Variants in FBXO42 observed in about 807,000 individuals in gnomAD.
FBXO42 encodes the protein F-box protein 42, also known as F-box only protein 42.
Under a neutral mutation model 71.7 loss-of-function variants are expected in FBXO42, and 12 were observed. The observed-to-expected ratio is 0.17, with a 90% CI of 0.11 to 0.27. The LOEUF (loss-of-function observed/expected upper bound fraction) is 0.27, where lower values mean the gene tolerates loss of function less well. Ranked by LOEUF, FBXO42 falls within the 10% of genes least tolerant of loss-of-function variation. The pLI, the probability that FBXO42 is intolerant of heterozygous loss-of-function variation, is 1.00. For missense variants in FBXO42, 707 were observed against 911.9 expected (o/e 0.78, Z 2.89); for synonymous variants, 325 against 327.5 (o/e 0.99, Z 0.08).
At chr1:16,324,614 T>C (rs1011992869) in intron 1 of FBXO42, among the ~76,000 whole-genome samples, 22 of 152,130 alleles carry the variant, frequency 1.4e-4, no homozygotes, top group African/African-American at 5.3e-4. Context: ...GTCCAGGAAT[T>C]TGAGACCAGC....
At chr1:16,288,934 G>T (rs1006989957) in intron 4 of FBXO42, among the ~76,000 whole-genome samples, 1 of 151,408 alleles carries the variant, frequency 6.6e-6, no homozygotes, top group Non-Finnish European at 1.5e-5. Context: ...CTCCAGCCTG[G>T]GTGATAGAGT....
chr1:16,276,475 T>C (rs1168820509), intron 4 of FBXO42, among the ~76,000 whole-genome samples: 3 of 151,794 alleles, frequency 2.0e-5, no homozygotes, highest in South Asian at 2.1e-4. Flanking sequence ...CAGCCAAACA[T>C]TGAGCACGAG....
chr1:16,326,090 T>A (rs891899966), intron 1 of FBXO42, among the ~76,000 whole-genome samples: 1 of 135,854 alleles, frequency 7.4e-6, no homozygotes, highest in African/African-American at 2.5e-5. Context: ...AATTTCGCTC[T>A]TGTTGCCCAG....
At chr1:16,309,026 A>G (rs1170929130) in intron 2 of FBXO42, among the ~76,000 whole-genome samples, 1 of 128,740 alleles carries the variant, frequency 7.8e-6, no homozygotes, top group Admixed American at 8.5e-5. Context: ...TACAGGCGTG[A>G]GCCACCATGC....
At chr1:16,279,141 T>C (rs529953187) in intron 4 of FBXO42, among the ~76,000 whole-genome samples, 1 of 152,342 alleles carries the variant, frequency 6.6e-6, no homozygotes, top group African/African-American at 2.4e-5. Flanking sequence ...AAGGATATCC[T>C]GTGGTCTTCC....
chr1:16,291,017 C>T (rs1157850464), intron 4 of FBXO42, among the ~76,000 whole-genome samples: 1 of 152,168 alleles, frequency 6.6e-6, no homozygotes, highest in African/African-American at 2.4e-5. Flanking sequence ...ACTCTCCACT[C>T]CCAACCAAAA....
rs766746982 is a variant in FBXO42 at position 16,248,675 on chromosome 1, T to G, written c.*1995A>C. ...GCTAGCCTTCTGGCCCAGCTTTCCC[T>G]TGTAAATAAGGACCCCACATGATCG... On this transcript the variant is annotated 3_prime_UTR_variant, in exon 10 of 10. Transcript: ENST00000375592. 2 of 152,264 alleles carry G rather than the reference T, an allele frequency of 1.3e-5. No homozygotes were observed. Among genetic ancestry groups the G allele is most frequent in the African/African-American group, 2.4e-5 (1 of 41,476 alleles). 9.4% of individuals were successfully genotyped at this position (152,264 alleles called of 1,614,324 possible).
chr1:16,316,756 A>G (rs2082370902), intron 1 of FBXO42, among the ~76,000 whole-genome samples: 3 of 145,546 alleles, frequency 2.1e-5, no homozygotes, highest in South Asian at 2.1e-4. Context: ...AAAAAAAAAG[A>G]TAGTAAATGT....
chr1:16,282,008 CT>C (rs2081969002), intron 4 of FBXO42, among the ~76,000 whole-genome samples: 1 of 151,386 alleles, frequency 6.6e-6, no homozygotes, highest in Non-Finnish European at 1.5e-5. Flanking sequence ...CCAAAGGTAG[CT>C]ATTTCTACAA....
chr1:16,263,936 G>A (rs952003702), intron 4 of FBXO42, among the ~76,000 whole-genome samples: 7 of 149,928 alleles, frequency 4.7e-5, no homozygotes, highest in Non-Finnish European at 5.9e-5. Flanking sequence ...TCAGCCTCCC[G>A]AGTAGCTGGG....
chr1:16,255,724 C>G lies in FBXO42; in HGVS notation c.754G>C (p.Gly252Arg). Residue 252 changes from glycine to arginine, a missense_variant, in exon 6 of 10, where the codon GGA becomes CGA. This residue lies in a region of FBXO42 where 482 missense variants were observed against 587.1 expected (regional missense o/e 0.82). Coordinates refer to ENST00000375592, the MANE Select transcript of FBXO42 (RefSeq NM_018994.3). Reference sequence around the variant, plus strand: ...AAATGTACTTACATTTGCCGGGATCCTAAAGAGCCACCAAAGACAATCATT... The same window carrying G: ...AAATGTACTTACATTTGCCGGGATCGTAAAGAGCCACCAAAGACAATCATT... ...DKMIVFGGSLGSRQMSNDVWV... is the reference protein window; with the variant it reads ...DKMIVFGGSLRSRQMSNDVWV... 1 of 1,613,904 alleles carries G rather than the reference C, an allele frequency of 6.2e-7. No homozygotes were observed. Among genetic ancestry groups the G allele is most frequent in the Non-Finnish European group, 8.5e-7 (1 of 1,179,906 alleles).
Position 16,349,555 on chromosome 1 carries a change from T to C in FBXO42, c.-18+2700A>G, listed in dbSNP as rs34899543. Among the ~76,000 whole-genome samples the C allele has an allele frequency of 7.6e-3, 1,165 of 152,356 alleles. 10 individuals carry two copies. The highest frequency in any genetic ancestry group is 0.013 in the Non-Finnish European group (878 of 68,028). On this transcript the variant is annotated intron_variant, in intron 1 of 9. Transcript: ENST00000375592. The stretch of plus-strand genomic sequence containing the variant: ...GGGCTTTATTTAATCAAATGGCTTC[T>C]GGTTTTATAAAGAGTTAATTCAGGG...
intron 1 of FBXO42, among the ~76,000 whole-genome samples, chr1:16,336,837 T>C (rs2100621405): frequency 6.6e-6 from 1 of 151,822 alleles, no homozygotes; most frequent in South Asian, 2.1e-4. Context: ...ATACAAAAAA[T>C]AGCTGGGTGT....
At position 16,250,230 on chromosome 1, in the gene FBXO42, C is replaced by G. The variant is rs1357443705; in HGVS notation, c.*440G>C. 6.6e-6 allele frequency: 1 copy of G among 152,438 alleles called. No homozygotes were observed. The highest frequency in any genetic ancestry group is 6.5e-5 in the Admixed American group (1 of 15,274). The allele number at this position is 152,438 out of a possible 1,614,324, so 9.4% of individuals were successfully genotyped here. On this transcript the variant is annotated 3_prime_UTR_variant, in exon 10 of 10. Coordinates refer to ENST00000375592, the MANE Select transcript of FBXO42 (RefSeq NM_018994.3). The surrounding 1 kb of genome is among the most constrained non-coding windows in gnomAD (Gnocchi z 4.7). ...ACCTGAAGCATGAGAGTCTAAAACC[C>G]TCCACCTTTGCAACTTACATATGCC...
chr1:16,323,099 G>A (rs1386272423), intron 1 of FBXO42, among the ~76,000 whole-genome samples: 1 of 152,158 alleles, frequency 6.6e-6, no homozygotes, highest in African/African-American at 2.4e-5. Context: ...GCAATCAAAC[G>A]TATTTGTCAC....
intron 2 of FBXO42, among the ~76,000 whole-genome samples, chr1:16,314,326 T>C (rs2082342937): frequency 6.6e-6 from 1 of 152,186 alleles, no homozygotes; most frequent in South Asian, 2.1e-4. Context: ...GACAAATGTT[T>C]TCAAGAAAGC....
At chr1:16,271,740 A>G (rs551719847) in intron 4 of FBXO42, among the ~76,000 whole-genome samples, 4 of 152,154 alleles carry the variant, frequency 2.6e-5, no homozygotes, top group African/African-American at 7.2e-5. Flanking sequence ...CATTTACCAC[A>G]TAAGTGTTTG....
intron 4 of FBXO42, among the ~76,000 whole-genome samples, chr1:16,283,494 G>GTTTTTTTTTTTTTTTTTTTTTTTTTTTT (rs386366300): frequency 1.2e-5 from 1 of 80,988 alleles, no homozygotes; most frequent in African/African-American, 4.4e-5. Flanking sequence ...ACTGTGGCAA[G>GTTTTTTTTTTTTTTTTTTTTTTTTTTTT]TTTTTTTTTT....
At chr1:16,322,582 C>CA (rs997085123) in intron 1 of FBXO42, among the ~76,000 whole-genome samples, 9 of 151,288 alleles carry the variant, frequency 5.9e-5, no homozygotes, top group South Asian at 2.1e-4. Context: ...TCTCAAAATA[C>CA]AAAAAAAATT....
Sources: gnomAD v4.1 joint callset for allele counts (sites outside exome capture counted in the v4.1 genomes callset) on GRCh38, gnomAD v4.1.1 for gene constraint, gnomAD v4.1.1 regional missense constraint, Gnocchi (gnomAD v3.1) non-coding constraint, MANE v1.5 for transcripts, NCBI Gene and HGNC (gene_info 2026-07-23, HGNC 2026-07-21) for gene names.